Variants in NRXN1 observed in about 807,000 individuals in gnomAD.
NRXN1 encodes neurexin-1.
A neutral mutation model predicts 150.9 loss-of-function variants in NRXN1; 39 were observed. That is an observed-to-expected ratio of 0.26 (90% CI 0.20 to 0.34). The LOEUF (loss-of-function observed/expected upper bound fraction) is 0.34. Ranked by LOEUF, NRXN1 falls within the 10% of genes least tolerant of loss-of-function variation. The pLI is 1.00. For synonymous variants in NRXN1, 924 were observed against 757.0 expected, an observed-to-expected ratio of 1.22 and a Z score of -3.62; for missense variants, 1,815 against 1,949.9, an observed-to-expected ratio of 0.93 and a Z score of 1.30.
intron 9 of NRXN1, among the ~76,000 whole-genome samples, chr2:50,539,135 C>T (rs1041793890): frequency 3.5e-5 from 5 of 143,416 alleles, no homozygotes; most frequent in Admixed American, 3.4e-4. Flanking sequence ...TTCATCACTC[C>T]TAGCTGTATA....
At chr2:50,194,937 G>A (rs1181617209) in intron 18 of NRXN1, among the ~76,000 whole-genome samples, 3 of 152,246 alleles carry the variant, frequency 2.0e-5, no homozygotes, top group Middle Eastern at 3.4e-3. Flanking sequence ...CTGACAGAGT[G>A]AAAGGTATAA....
chr2:51,007,758 C>T (rs1051115472), intron 2 of NRXN1, among the ~76,000 whole-genome samples: 2 of 151,764 alleles, frequency 1.3e-5, no homozygotes, highest in Admixed American at 6.6e-5. Context: ...AAATTGTGGA[C>T]AAATACATAG....
chr2:50,918,816 C>A, intron 5 of NRXN1: 1 of 257,516 alleles, frequency 3.9e-6, no homozygotes, highest in Non-Finnish European at 7.3e-6. Flanking sequence ...ATCCTAACAA[C>A]AACATCATTG....
At chr2:50,801,444 GA>G (rs925775019) in intron 5 of NRXN1, among the ~76,000 whole-genome samples, 1 of 152,042 alleles carries the variant, frequency 6.6e-6, no homozygotes, top group South Asian at 2.1e-4. Flanking sequence ...ATCTCTTAGA[GA>G]AAAAAATATC....
rs2075925405 is a variant in NRXN1 at position 50,320,285 on chromosome 2, TATATATATATATA to T, written c.3365-83328_3365-83316del. 1.7e-3 allele frequency among the ~76,000 whole-genome samples: 98 copies of T among 57,674 alleles called. 4 individuals are homozygous for T. Among genetic ancestry groups the T allele is most frequent in the African/African-American group, 5.2e-3 (82 of 15,670 alleles). The allele number at this position is 57,674 out of a possible 152,430, so 37.8% of individuals were successfully genotyped here. On this transcript the variant is annotated intron_variant, in intron 17 of 22. Coordinates refer to ENST00000401669, the MANE Select transcript of NRXN1 (RefSeq NM_001330078.2). ...TTCATTTATTCTTATACCTCAATCATATATATATATATATATATATATATATATATATATATAT... is the reference window on the plus strand; with the variant it reads ...TTCATTTATTCTTATACCTCAATCATTATATATATATATATATATATATAT...
chr2:50,180,689 C>T (rs899366349), intron 18 of NRXN1, among the ~76,000 whole-genome samples: 1 of 152,150 alleles, frequency 6.6e-6, no homozygotes, highest in Non-Finnish European at 1.5e-5. Context: ...TACCATCAGA[C>T]ACCAGATGCT....
At chr2:50,395,574 C>T (rs754754922) in intron 17 of NRXN1, among the ~76,000 whole-genome samples, 5 of 152,072 alleles carry the variant, frequency 3.3e-5, no homozygotes, top group South Asian at 2.1e-4. Context: ...CAATTGAATA[C>T]GCAACTACCA....
chr2:50,430,286 A>C (rs923616924), intron 17 of NRXN1, among the ~76,000 whole-genome samples: 32 of 152,068 alleles, frequency 2.1e-4, no homozygotes, highest in African/African-American at 7.7e-4. Context: ...CAAATTTTTT[A>C]TATCAGTCTG....
intron 21 of NRXN1, among the ~76,000 whole-genome samples, chr2:50,000,309 T>G (rs769683524): frequency 6.6e-6 from 1 of 152,206 alleles, no homozygotes. Context: ...AAGCCCCAAT[T>G]TCCATTAAAC....
intron 17 of NRXN1, among the ~76,000 whole-genome samples, chr2:50,456,398 T>G (rs940972242): frequency 6.6e-6 from 1 of 152,130 alleles, no homozygotes; most frequent in Admixed American, 6.6e-5. Context: ...ATATCACCTT[T>G]GTGCTTTATG....
chr2:50,965,524 A>G (rs931329648), intron 2 of NRXN1, among the ~76,000 whole-genome samples: 2 of 151,730 alleles, frequency 1.3e-5, no homozygotes, highest in South Asian at 2.1e-4. Context: ...ATGTTATTAA[A>G]ACTTAAATAC....
At position 50,256,269 on chromosome 2, in the gene NRXN1, C is replaced by T. The variant is rs1288925858; in HGVS notation, c.3365-19299G>A. Among the ~76,000 whole-genome samples, 3 of 152,156 alleles carry T rather than the reference C, an allele frequency of 2.0e-5. No individual in the cohort carries two copies. The East Asian group carries it at 5.8e-4, about 29-fold the overall frequency. On this transcript the variant is annotated intron_variant, in intron 17 of 22. Coordinates refer to ENST00000401669, the MANE Select transcript of NRXN1 (RefSeq NM_001330078.2). ...GGGAGAAATGATGCTACTAGGTTCACAGACCATGTACCAAACGTTTTTACC... is the reference window on the plus strand; with the variant it reads ...GGGAGAAATGATGCTACTAGGTTCATAGACCATGTACCAAACGTTTTTACC...
At chr2:50,851,202 T>C (rs1196736555) in intron 5 of NRXN1, among the ~76,000 whole-genome samples, 2 of 152,038 alleles carry the variant, frequency 1.3e-5, no homozygotes, top group African/African-American at 2.4e-5. Context: ...AGAGGAGCCA[T>C]AGGTCTAGGC....
chr2:50,906,030 T>A (rs1683621541), intron 5 of NRXN1, among the ~76,000 whole-genome samples: 1 of 151,966 alleles, frequency 6.6e-6, no homozygotes, highest in South Asian at 2.1e-4. Flanking sequence ...TAGTACAGAG[T>A]CAAAGCTGGT....
chr2:50,671,797 T>C (rs1468404046), intron 5 of NRXN1, among the ~76,000 whole-genome samples: 3 of 151,878 alleles, frequency 2.0e-5, no homozygotes, highest in Non-Finnish European at 4.4e-5. Flanking sequence ...AATTTAAGCT[T>C]CTAGTAAGTA....
At chr2:50,218,795 C>T (rs963613763) in intron 18 of NRXN1, among the ~76,000 whole-genome samples, 2 of 151,892 alleles carry the variant, frequency 1.3e-5, no homozygotes, top group African/African-American at 4.8e-5. Flanking sequence ...GATAGAAAAA[C>T]TTCAACTTTG....
chr2:50,084,042 G>C (rs1188153044), intron 19 of NRXN1, among the ~76,000 whole-genome samples: 3 of 152,176 alleles, frequency 2.0e-5, no homozygotes, highest in Non-Finnish European at 4.4e-5. Context: ...AGATTAGTTA[G>C]ATACAGAGTG....
chr2:50,801,779 A>G (rs1707632830), intron 5 of NRXN1, among the ~76,000 whole-genome samples: 1 of 152,178 alleles, frequency 6.6e-6, no homozygotes, highest in Admixed American at 6.5e-5. Context: ...CAGATTTGGT[A>G]AAGCAGTGAA....
At chr2:50,262,407 C>T (rs1480169810) in intron 17 of NRXN1, among the ~76,000 whole-genome samples, 2 of 151,874 alleles carry the variant, frequency 1.3e-5, no homozygotes, top group African/African-American at 4.8e-5. Flanking sequence ...AAATAGTAGT[C>T]TAAAACCAGT....
Sources: gnomAD v4.1 joint callset for allele counts (sites outside exome capture counted in the v4.1 genomes callset) on GRCh38, gnomAD v4.1.1 for gene constraint, MANE v1.5 for transcripts, NCBI Gene and HGNC (gene_info 2026-07-23, HGNC 2026-07-21) for gene names.